Variants in PPFIBP1 observed in about 807,000 individuals in gnomAD.
PPFIBP1 encodes the protein liprin-beta-1.
PPFIBP1 carries 112 observed loss-of-function variants against 137.8 expected under a neutral mutation model. The observed-to-expected ratio is 0.81, with a 90% CI of 0.70 to 0.95. The LOEUF (loss-of-function observed/expected upper bound fraction) is 0.95, where lower values mean the gene tolerates loss of function less well. PPFIBP1 is among the 40% of genes least tolerant of loss of function. The probability of loss-of-function intolerance (pLI) is 0.00; values close to 1 mark genes in which losing one functional copy is unlikely to be tolerated. For missense variants in PPFIBP1, 1,083 were observed against 1,196.6 expected, an observed-to-expected ratio of 0.91 and a Z score of 1.40; for synonymous variants, 378 against 417.3, an observed-to-expected ratio of 0.91 and a Z score of 1.15.
chr12:27,638,905 AGAGGC>A (rs4035630), intron 4 of PPFIBP1, among the ~76,000 whole-genome samples: 88,979 of 151,650 alleles, frequency 0.59, 26,619 homozygotes, highest in Admixed American at 0.65. Flanking sequence ...GGCCAACTTG[AGAGGC>A]CCTGTACTTT....
intron 22 of PPFIBP1, 102 bp downstream of exon 22, chr12:27,681,798 T>A: frequency 1.5e-6 from 2 of 1,340,794 alleles, no homozygotes; most frequent in Non-Finnish European, 2.0e-6. Context: ...GTGAAGCCAG[T>A]AAAAACTCTG....
intron 1 of PPFIBP1, among the ~76,000 whole-genome samples, chr12:27,554,126 T>G (rs7966646): frequency 0.35 from 53,040 of 152,100 alleles, 9,737 homozygotes; most frequent in African/African-American, 0.44. Flanking sequence ...TGGCAACTTC[T>G]AGACATTAGC....
At chr12:27,677,345 G>A (rs1187817596) in intron 19 of PPFIBP1, 17 of 568,524 alleles carry the variant, frequency 3.0e-5, no homozygotes, top group South Asian at 1.8e-4. Flanking sequence ...GGACCTAGAC[G>A]TGTGCAGCAT....
At chr12:27,612,737 G>A (rs1005956346) in intron 2 of PPFIBP1, among the ~76,000 whole-genome samples, 1 of 152,026 alleles carries the variant, frequency 6.6e-6, no homozygotes, top group African/African-American at 2.4e-5. Flanking sequence ...TAGGCTTCTG[G>A]GCCCTGAAAT....
At chr12:27,659,028 A>G (rs2059384744) in intron 10 of PPFIBP1, among the ~76,000 whole-genome samples, 180 bp downstream of exon 10, 1 of 152,196 alleles carries the variant, frequency 6.6e-6, no homozygotes, top group African/African-American at 2.4e-5. Flanking sequence ...ATAAGGTAAA[A>G]GATTATTTTG....
chr12:27,577,227 A>G (rs571620387), intron 1 of PPFIBP1, among the ~76,000 whole-genome samples: 176 of 147,978 alleles, frequency 1.2e-3, no homozygotes, highest in African/African-American at 4.1e-3. Flanking sequence ...TTTTTTTTTT[A>G]ATAAAAAATG....
chr12:27,635,927 A>G (rs1203680500), intron 4 of PPFIBP1: 1 of 152,218 alleles, frequency 6.6e-6, no homozygotes, highest in African/African-American at 2.4e-5. Flanking sequence ...GGACAGAGGA[A>G]AGGAGATATT....
rs778429118 is a variant in PPFIBP1 at position 27,635,064 on chromosome 12, G to C, written c.219G>C (p.Gln73His). ...ETDEKEGLRC[Q>H]IPDSTAETLV... ...ATGAGAAAGAAGGCTTGAGATGCCA[G>C]ATCCCAGATTCAACAGCAGAAACGC... is the stretch of plus-strand genomic sequence containing the variant. Residue 73 changes from glutamine to histidine, a missense_variant, in exon 4 of 30, where the codon CAG becomes CAC. Physicochemically the swap from Gln to His is conservative, Grantham distance 24 (BLOSUM62 0). Transcript: ENST00000228425. 1.7e-5 allele frequency: 28 copies of C among 1,614,102 alleles called. No individual in the cohort carries two copies. The highest frequency in any genetic ancestry group is 2.4e-5 in the Non-Finnish European group (28 of 1,180,030).
chr12:27,615,428 A>C (rs2055636178), intron 2 of PPFIBP1, among the ~76,000 whole-genome samples: 1 of 152,216 alleles, frequency 6.6e-6, no homozygotes, highest in Non-Finnish European at 1.5e-5. Flanking sequence ...TTTGTGTTGG[A>C]TTCCAAGATA....
At chr12:27,562,458 G>A (rs2049247999) in intron 1 of PPFIBP1, among the ~76,000 whole-genome samples, 2 of 152,128 alleles carry the variant, frequency 1.3e-5, no homozygotes, top group African/African-American at 4.8e-5. Flanking sequence ...AATTATCTTG[G>A]TAAAAGTTAT....
At chr12:27,675,460 T>C (rs1194680738) in intron 17 of PPFIBP1, among the ~76,000 whole-genome samples, 1 of 152,152 alleles carries the variant, frequency 6.6e-6, no homozygotes. Flanking sequence ...CTCACCCTTT[T>C]CTCTGCTTCT....
chr12:27,600,129 T>G (rs553792486), intron 2 of PPFIBP1, among the ~76,000 whole-genome samples: 2 of 152,190 alleles, frequency 1.3e-5, no homozygotes, highest in Admixed American at 1.3e-4. Context: ...AGTCTAAAAT[T>G]AGGTCAAAAT....
intron 24 of PPFIBP1, among the ~76,000 whole-genome samples, chr12:27,683,061 T>A (rs936995793): frequency 6.6e-6 from 1 of 152,186 alleles, no homozygotes; most frequent in African/African-American, 2.4e-5. Flanking sequence ...TCATAAAGAT[T>A]TTTTTTGTAT....
rs759064153 is a variant in PPFIBP1 at position 27,646,119 on chromosome 12, G to A, written c.328G>A (p.Glu110Lys). Residue 110 changes from glutamate to lysine, a missense_variant, in exon 5 of 30, where the codon GAA becomes AAA. Glu to Lys is a moderately conservative substitution (Grantham distance 56, BLOSUM62 1). Transcript: ENST00000228425. The part of the protein sequence containing the change: ...DVYQERLARL[E>K]NDKESLVLQV... ...GTATCAAGAAAGGCTGGCACGTTTA[G>A]AAAATGATAAAGAATCCCTCGTTCT... 19 of 1,611,264 alleles carry A rather than the reference G, an allele frequency of 1.2e-5. No individual in the cohort carries two copies. Among genetic ancestry groups the A allele is most frequent in the Admixed American group, 1.7e-5 (1 of 60,010 alleles).
chr12:27,664,394 G>C lies in PPFIBP1; in HGVS notation c.939G>C (p.Leu313=). 1 of 1,612,722 alleles carries C rather than the reference G, an allele frequency of 6.2e-7. No homozygotes were observed. The highest frequency in any genetic ancestry group is 1.1e-5 in the South Asian group (1 of 90,966). The change falls in exon 12 of 30, where the codon CTG becomes CTC. Residue 313 remains leucine (L), a synonymous_variant. Coordinates refer to ENST00000228425, the MANE Select transcript of PPFIBP1 (RefSeq NM_003622.4). ...DRKIEDLRQC[L]NRYKKMQDTV... ...AAATAGAAGATCTTCGACAGTGCCT[G>C]AACAGGTACAAGAAAATGCAAGACA...
At chr12:27,666,602 A>C (rs1285280165) in intron 12 of PPFIBP1, among the ~76,000 whole-genome samples, 1 of 152,202 alleles carries the variant, frequency 6.6e-6, no homozygotes, top group East Asian at 1.9e-4. Flanking sequence ...GCTTTGGTGA[A>C]TATGTGGTTG....
Position 27,673,795 on chromosome 12 carries a change from C to T in PPFIBP1, c.1348C>T (p.Leu450=). ...TTCAAGTCTGCAGAAGTCCAGCAGC[C>T]TGGGCAATCTGAAGAAAGAGACATC... ...LTSSLQKSSS[L]GNLKKETSDG... Residue 450 remains leucine (L), a synonymous_variant, in exon 16 of 30, where the codon CTG becomes TTG. Coordinates refer to ENST00000228425, the MANE Select transcript of PPFIBP1 (RefSeq NM_003622.4). 6.2e-7 allele frequency: 1 copy of T among 1,613,590 alleles called. No homozygotes were observed. The highest frequency in any genetic ancestry group is 8.5e-7 in the Non-Finnish European group (1 of 1,179,670).
chr12:27,579,497 T>C (rs765236693), intron 2 of PPFIBP1, among the ~76,000 whole-genome samples: 13 of 152,248 alleles, frequency 8.5e-5, no homozygotes, highest in Non-Finnish European at 1.5e-4. Flanking sequence ...TTGTTTAGTT[T>C]GTCTTTATGA....
intron 4 of PPFIBP1, among the ~76,000 whole-genome samples, chr12:27,644,136 G>A (rs3829314): frequency 0.18 from 27,521 of 151,840 alleles, 2,562 homozygotes; most frequent in South Asian, 0.21. Context: ...GAGTGCAGTG[G>A]CGCAAACATG....
Sources: gnomAD v4.1 joint callset for allele counts (sites outside exome capture counted in the v4.1 genomes callset) on GRCh38, gnomAD v4.1.1 for gene constraint, MANE v1.5 for transcripts, NCBI Gene and HGNC (gene_info 2026-07-23, HGNC 2026-07-21) for gene names.